Variants in KSR2 observed in about 807,000 individuals in gnomAD.
KSR2 encodes the protein kinase suppressor of ras 2.
In KSR2, 25 loss-of-function variants were observed where a neutral mutation model predicts 107.8. The observed-to-expected ratio is 0.23, with a 90% confidence interval of 0.17 to 0.32. The LOEUF is 0.32. KSR2 is among the 10% of genes least tolerant of loss of function. The pLI, the probability that KSR2 is intolerant of heterozygous loss-of-function variation, is 1.00. For missense variants in KSR2, 887 were observed against 1,268.9 expected (o/e 0.70, Z 4.57); for synonymous variants, 480 against 507.0 (o/e 0.95, Z 0.71).
chr12:117,683,837 C>A (rs1368441839), intron 4 of KSR2, among the ~76,000 whole-genome samples: 1 of 152,200 alleles, frequency 6.6e-6, no homozygotes, highest in Non-Finnish European at 1.5e-5. Flanking sequence ...AGAGGAAATA[C>A]CTTCGGCTTT....
chr12:117,675,312 G>A (rs945667450), intron 4 of KSR2, among the ~76,000 whole-genome samples: 5 of 152,174 alleles, frequency 3.3e-5, no homozygotes, highest in African/African-American at 1.2e-4. Context: ...CCCACCTCAA[G>A]CAAGGACTAT....
intron 1 of KSR2, among the ~76,000 whole-genome samples, chr12:117,871,864 C>A (rs577273141): frequency 1.3e-5 from 2 of 151,766 alleles, no homozygotes; most frequent in Non-Finnish European, 2.9e-5. Flanking sequence ...GGTATGTTGC[C>A]CAGGCTGGTC....
At position 117,769,563 on chromosome 12, in the gene KSR2, C is replaced by T. The variant is rs572039911; in HGVS notation, c.473-8039G>A. 3.9e-5 allele frequency among the ~76,000 whole-genome samples: 6 copies of T among 152,302 alleles called. No homozygotes were observed. In the South Asian group the frequency reaches 1.2e-3, roughly 32 times the overall value. ...AATGGGGACAACAGCAGAGCTTTCCCCCATGATTGCTCTGAAGATTAAATA... is the reference window on the plus strand; with the variant it reads ...AATGGGGACAACAGCAGAGCTTTCCTCCATGATTGCTCTGAAGATTAAATA... On this transcript the variant is annotated intron_variant, in intron 3 of 19. Coordinates refer to ENST00000339824, the MANE Select transcript of KSR2 (RefSeq NM_173598.6).
intron 5 of KSR2, among the ~76,000 whole-genome samples, chr12:117,599,509 C>T (rs1028462115): frequency 1.3e-5 from 2 of 152,116 alleles, no homozygotes; most frequent in South Asian, 4.1e-4. Flanking sequence ...TGACCTAAAT[C>T]GAGAATTTCC....
At chr12:117,487,564 T>G (rs1272606231) in intron 14 of KSR2, among the ~76,000 whole-genome samples, 2 of 152,120 alleles carry the variant, frequency 1.3e-5, no homozygotes, top group African/African-American at 4.8e-5. Context: ...TGTTGACATT[T>G]CAATATTTGA....
At chr12:117,745,438 A>G (rs1022201201) in intron 4 of KSR2, among the ~76,000 whole-genome samples, 3 of 152,214 alleles carry the variant, frequency 2.0e-5, no homozygotes, top group Non-Finnish European at 4.4e-5. Context: ...TTTGCAAGTC[A>G]TACATCTGAT....
At chr12:117,782,700 A>AG (rs1172116933) in intron 3 of KSR2, among the ~76,000 whole-genome samples, 2 of 152,222 alleles carry the variant, frequency 1.3e-5, no homozygotes, top group Non-Finnish European at 2.9e-5. Context: ...ATGAGATTCT[A>AG]GGGGTCTGTG....
At chr12:117,941,260 C>T (rs574333846) in intron 1 of KSR2, among the ~76,000 whole-genome samples, 32 of 152,116 alleles carry the variant, frequency 2.1e-4, no homozygotes, top group African/African-American at 7.5e-4. Context: ...TCCACTTCTG[C>T]CCCATTTTCT....
intron 14 of KSR2, among the ~76,000 whole-genome samples, chr12:117,521,988 T>C (rs1763901000): frequency 6.6e-6 from 1 of 152,210 alleles, no homozygotes; most frequent in Non-Finnish European, 1.5e-5. Context: ...CAATGCCACT[T>C]CTTTGGGGCT....
intron 5 of KSR2, among the ~76,000 whole-genome samples, chr12:117,642,035 T>C (rs10850875): frequency 0.5 from 75,264 of 152,018 alleles, 19,892 homozygotes; most frequent in Non-Finnish European, 0.6. Flanking sequence ...GTTCATCATC[T>C]GGCTGGCCCT....
At chr12:117,660,218 T>C (rs1235707257) in intron 5 of KSR2, among the ~76,000 whole-genome samples, 1 of 152,210 alleles carries the variant, frequency 6.6e-6, no homozygotes. Flanking sequence ...TCTGCGTTGG[T>C]TTCCTAGGGC....
intron 9 of KSR2, among the ~76,000 whole-genome samples, chr12:117,551,794 C>A (rs987361827): frequency 1.3e-4 from 20 of 152,150 alleles, no homozygotes; most frequent in African/African-American, 4.8e-4. Context: ...AGATCTTGTC[C>A]ACCTTCATGT....
At chr12:117,487,870 C>T (rs750439629) in intron 14 of KSR2, among the ~76,000 whole-genome samples, 12 of 152,128 alleles carry the variant, frequency 7.9e-5, no homozygotes, top group Admixed American at 2.0e-4. Context: ...GAGAAACTAC[C>T]GCACCAGTTT....
chr12:117,806,974 CCT>C (rs1445388642), intron 3 of KSR2, among the ~76,000 whole-genome samples: 2 of 152,210 alleles, frequency 1.3e-5, no homozygotes, highest in Non-Finnish European at 2.9e-5. Context: ...GTGCCCGTCC[CCT>C]GTCAGGATCC....
chr12:117,494,962 C>T (rs1872944232), intron 14 of KSR2, among the ~76,000 whole-genome samples: 1 of 152,214 alleles, frequency 6.6e-6, no homozygotes, highest in Non-Finnish European at 1.5e-5. Flanking sequence ...ACGGCAAAGG[C>T]CATCTGGCTG....
At chr12:117,567,929 C>A (rs145251484) in intron 7 of KSR2, among the ~76,000 whole-genome samples, 438 of 150,938 alleles carry the variant, frequency 2.9e-3, no homozygotes, top group African/African-American at 9.9e-3. Context: ...TCTAGAAATG[C>A]CTCCGTATGC....
At chr12:117,861,110 C>T (rs1288737511) in intron 1 of KSR2, among the ~76,000 whole-genome samples, 1 of 152,188 alleles carries the variant, frequency 6.6e-6, no homozygotes, top group Non-Finnish European at 1.5e-5. Flanking sequence ...GAGGCTACTT[C>T]CCTACAGTTC....
At chr12:117,956,249 CAAAAAAAAAAAAAAAAA>C (rs59662300) in intron 1 of KSR2, among the ~76,000 whole-genome samples, 1 of 47,478 alleles carries the variant, frequency 2.1e-5, no homozygotes, top group Non-Finnish European at 3.9e-5. Flanking sequence ...GACTCTGTCT[CAAAAAAAAAAAAAAAAA>C]AAAAAAAAAA....
At chr12:117,792,934 A>ATGCAAACACGCTCACACCAACG (rs1890313581) in intron 3 of KSR2, among the ~76,000 whole-genome samples, 1 of 150,414 alleles carries the variant, frequency 6.6e-6, no homozygotes, top group Non-Finnish European at 1.5e-5. Context: ...TCACACCAAC[A>ATGCAAACACGCTCACACCAACG]TGCACACACG....
Sources: allele counts gnomAD v4.1 joint callset (sites outside exome capture counted in the v4.1 genomes callset), GRCh38; gene constraint gnomAD v4.1.1; transcripts MANE v1.5; gene names NCBI Gene and HGNC (gene_info 2026-07-23, HGNC 2026-07-21).